The following GDAP1L1 variants were observed in gnomAD, a reference collection of about 807,000 sequenced individuals.
GDAP1L1 encodes ganglioside-induced differentiation-associated protein 1-like 1.
In GDAP1L1, 21 loss-of-function variants were observed where a neutral mutation model predicts 37.1. That is an observed-to-expected ratio of 0.57 (90% CI 0.40 to 0.81). The LOEUF is 0.81. Ranked by LOEUF, GDAP1L1 falls within the 40% of genes least tolerant of loss-of-function variation. The pLI is 0.00. For synonymous variants in GDAP1L1, 193 were observed against 209.1 expected, an observed-to-expected ratio of 0.92 and a Z score of 0.67; for missense variants, 362 against 491.6, an observed-to-expected ratio of 0.74 and a Z score of 2.49.
intron 1 of GDAP1L1, among the ~76,000 whole-genome samples, chr20:44,251,607 G>A (rs2073445060): frequency 6.6e-6 from 1 of 152,220 alleles, no homozygotes. Context: ...AGGAGCCCCA[G>A]AGAGGAAAGC....
chr20:44,262,901 G>T (rs535970448), intron 3 of GDAP1L1, among the ~76,000 whole-genome samples: 1 of 151,798 alleles, frequency 6.6e-6, no homozygotes, highest in South Asian at 2.1e-4. Flanking sequence ...TTTTAAGATG[G>T]GTTCTTGCTA....
intron 1 of GDAP1L1, among the ~76,000 whole-genome samples, chr20:44,254,997 A>G (rs1205948126): frequency 6.6e-6 from 1 of 152,112 alleles, no homozygotes; most frequent in African/African-American, 2.4e-5. Context: ...TCCTCACTTC[A>G]CGGAAGCTAG....
chr20:44,255,531 G>A (rs1235452929), intron 1 of GDAP1L1, among the ~76,000 whole-genome samples: 2 of 111,038 alleles, frequency 1.8e-5, no homozygotes, highest in Non-Finnish European at 3.4e-5. Context: ...AACAGAGCGA[G>A]ACTCTGTCTC....
At chr20:44,259,584 T>C (rs563076787) in intron 3 of GDAP1L1, among the ~76,000 whole-genome samples, 182 of 151,372 alleles carry the variant, frequency 1.2e-3, no homozygotes, top group Non-Finnish European at 2.1e-3. Context: ...CAACCTCCTC[T>C]GCCCAGTCTC....
Position 44,263,167 on chromosome 20 carries a change from G to C in GDAP1L1, c.548-63G>C, listed in dbSNP as rs141534508. On this transcript the variant is annotated intron_variant, in intron 3 of 5. Coordinates refer to ENST00000342560, the MANE Select transcript of GDAP1L1 (RefSeq NM_024034.6). ...ATGGGGCCTACTTCAAGTTGTGTAA[G>C]GCAGGTGATGGGGGAGCAACCAAGG... is the stretch of plus-strand genomic sequence containing the variant. 29 of 1,246,468 alleles carry C rather than the reference G, an allele frequency of 2.3e-5. No individual in the cohort carries two copies. The African/African-American group carries it at 4.1e-4, about 18-fold the overall frequency. The allele number at this position is 1,246,468 out of a possible 1,614,324, so 77.2% of individuals were successfully genotyped here. A position where few individuals can be genotyped will look rare whatever the true frequency, so the allele number is the denominator to read the frequency against.
chr20:44,248,465 A>G (rs1278518192), intron 1 of GDAP1L1, among the ~76,000 whole-genome samples: 2 of 152,236 alleles, frequency 1.3e-5, no homozygotes, highest in East Asian at 3.9e-4. Context: ...CATTTTCCAG[A>G]TGGAAAAACA....
At chr20:44,270,511 T>C (rs1221890702) in intron 5 of GDAP1L1, among the ~76,000 whole-genome samples, 3 of 152,254 alleles carry the variant, frequency 2.0e-5, no homozygotes, top group African/African-American at 7.2e-5. Flanking sequence ...ACACATTTTC[T>C]GTGGATCTGG....
intron 1 of GDAP1L1, among the ~76,000 whole-genome samples, chr20:44,251,689 T>A (rs2073446504): frequency 6.6e-6 from 1 of 152,182 alleles, no homozygotes; most frequent in Non-Finnish European, 1.5e-5. Context: ...CCCAGGTCCC[T>A]CAGGAAAACT....
chr20:44,263,871 A>G (rs1188072020), intron 4 of GDAP1L1, among the ~76,000 whole-genome samples: 2 of 151,572 alleles, frequency 1.3e-5, no homozygotes, highest in Non-Finnish European at 2.9e-5. Context: ...ATAAATATAT[A>G]AATAAATAAA....
rs1482423982 is a variant in GDAP1L1 at position 44,254,891 on chromosome 20, G to GGT, written c.181-2251_181-2250dup. The stretch of plus-strand genomic sequence containing the variant: ...CTAGGACACACCAGGGTGTGTGTGT[G>GGT]GTGTGTGTGTGTAATAAGTGATGCT... On this transcript the variant is annotated intron_variant, in intron 1 of 5. Coordinates refer to ENST00000342560, the MANE Select transcript of GDAP1L1 (RefSeq NM_024034.6). 8.5e-5 allele frequency among the ~76,000 whole-genome samples: 13 copies of GGT among 152,154 alleles called. No homozygotes were observed. In the South Asian group the frequency reaches 2.1e-3, roughly 24 times the overall value.
chr20:44,247,609 G>A, intron 1 of GDAP1L1, 95 bp downstream of exon 1: 1 of 1,216,168 alleles, frequency 8.2e-7, no homozygotes, highest in Non-Finnish European at 1.1e-6. Context: ...CGAAAGACTG[G>A]AGGGGGGAAC....
At chr20:44,263,140 G>T in intron 3 of GDAP1L1, 90 bp from the exon 4 acceptor site, 3 of 941,018 alleles carry the variant, frequency 3.2e-6, no homozygotes, top group Non-Finnish European at 5.3e-6. Context: ...ACCAGTGTTT[G>T]GATGGGGCCT....
At chr20:44,273,776 G>A (rs1568658189) in intron 5 of GDAP1L1, among the ~76,000 whole-genome samples, 1 of 151,304 alleles carries the variant, frequency 6.6e-6, no homozygotes, top group Admixed American at 6.6e-5. Context: ...TTCCTCCTCC[G>A]CCCTCCAGCC....
intron 1 of GDAP1L1, among the ~76,000 whole-genome samples, chr20:44,252,641 AAAACAAAC>A (rs749807369): frequency 1.3e-5 from 2 of 152,098 alleles, no homozygotes; most frequent in Non-Finnish European, 2.9e-5. Context: ...ACTCAAGCTC[AAAACAAAC>A]AAACAAACAA....
rs182668492 is a variant in GDAP1L1, at chr20:44,263,435, G to T, written c.645+108G>T. 6.7e-5 allele frequency: 57 copies of T among 850,456 alleles called. No individual in the cohort carries two copies. The African/African-American group carries it at 7.9e-4, about 12-fold the overall frequency. 52.7% of individuals were successfully genotyped at this position (850,456 alleles called of 1,614,324 possible). A position where few individuals can be genotyped will look rare whatever the true frequency, so the allele number is the denominator to read the frequency against. On this transcript the variant is annotated intron_variant, in intron 4 of 5. Coordinates refer to ENST00000342560, the MANE Select transcript of GDAP1L1 (RefSeq NM_024034.6). The stretch of plus-strand genomic sequence containing the variant: ...TCAGCTGATGATATGAAATGGAAAA[G>T]CCCCTGGCTTGCTTTTCCAATCCTG...
intron 3 of GDAP1L1, 140 bp from the exon 4 acceptor site, chr20:44,263,090 T>G (rs892394437): frequency 4.3e-6 from 3 of 702,038 alleles, no homozygotes; most frequent in African/African-American, 3.5e-5. Context: ...CAGCCTGCAG[T>G]GCTCCCTAAG....
intron 5 of GDAP1L1, among the ~76,000 whole-genome samples, chr20:44,274,257 C>T (rs1426632863): frequency 6.6e-6 from 1 of 152,148 alleles, no homozygotes; most frequent in African/African-American, 2.4e-5. Context: ...TCCACTCTTC[C>T]CCATAGAATC....
chr20:44,277,885 G>A (rs1189864883), intron 5 of GDAP1L1, among the ~76,000 whole-genome samples: 1 of 152,134 alleles, frequency 6.6e-6, no homozygotes, highest in African/African-American at 2.4e-5. Context: ...CGGGCGCAGT[G>A]GCTTATGCCT....
chr20:44,279,077 GC>G lies in GDAP1L1; in HGVS notation c.883del (p.Arg295GlyfsTer94), dbSNP rs1275982236. The G allele has an allele frequency of 6.2e-7, 1 of 1,614,196 alleles. No individual in the cohort carries two copies. The highest frequency in any genetic ancestry group is 1.1e-5 in the South Asian group (1 of 91,088). ...TCCAAGAAATACTGGGAAGATGGCA[GC>G]CGGCCCAACCTGCAGTCCTTCTTTG... ...GLSKKYWEDGSRPNLQSFFER... is the reference protein window; with the variant it reads ...GLSKKYWEDGXRPNLQSFFER... On this transcript the variant is annotated frameshift_variant, in exon 6 of 6. Coordinates refer to ENST00000342560, the MANE Select transcript of GDAP1L1 (RefSeq NM_024034.6). LOFTEE classifies it high-confidence loss of function.
Sources: allele counts gnomAD v4.1 joint callset (sites outside exome capture counted in the v4.1 genomes callset), GRCh38; gene constraint gnomAD v4.1.1; transcripts MANE v1.5; gene names NCBI Gene and HGNC (gene_info 2026-07-23, HGNC 2026-07-21).